ZNF761: variants seen among roughly 807,000 people sequenced by gnomAD.
ZNF761 encodes zinc finger protein 761.
ZNF761 carries 43 observed loss-of-function variants against 59.9 expected under a neutral mutation model. The observed-to-expected ratio is 0.72, with a 90% CI of 0.56 to 0.92. The LOEUF (loss-of-function observed/expected upper bound fraction) is 0.92. Among genes scored for constraint, ZNF761 ranks in the 40% least tolerant of loss-of-function variants. The pLI is 0.00. For missense variants in ZNF761, 850 were observed against 906.1 expected (o/e 0.94, Z 0.79); for synonymous variants, 294 against 304.8 (o/e 0.96, Z 0.37).
At chr19:53,444,385 T>C (rs1348377059) in intron 1 of ZNF761, 1 of 152,192 alleles carries the variant, frequency 6.6e-6, no homozygotes, top group Non-Finnish European at 1.5e-5. Context: ...GCGGCAATAC[T>C]GCTCTTTACT....
chr19:53,444,836 C>G (rs1208759692), intron 1 of ZNF761, among the ~76,000 whole-genome samples: 1 of 152,006 alleles, frequency 6.6e-6, no homozygotes, highest in Non-Finnish European at 1.5e-5. Context: ...CTGGGTGTTC[C>G]AAAGACCACA....
chr19:53,440,163 T>G (rs1398849342), intron 1 of ZNF761, among the ~76,000 whole-genome samples: 1 of 11,188 alleles, frequency 8.9e-5, no homozygotes, highest in Non-Finnish European at 2.9e-4. Context: ...TGGCCAAAAA[T>G]AAATAAATAA....
In ZNF761 at chr19:53,456,623, A is replaced by T; in HGVS notation, c.2116A>T (p.Ile706Leu). The change falls in exon 5 of 5, where the codon ATA becomes TTA. Residue 706 changes from isoleucine to leucine, a missense_variant. Coordinates refer to ENST00000684525, the MANE Select transcript of ZNF761 (RefSeq NM_001289951.2). ...GKNFSQKSSL[I>L]CHHRLHTGEK... ...GAACTTTAGTCAGAAGTCATCCCTT[A>T]TATGCCACCATAGACTTCATACTGG... 6.2e-7 allele frequency: 1 copy of T among 1,612,122 alleles called. No individual in the cohort carries two copies.
Position 53,455,733 on chromosome 19 carries a change from C to A in ZNF761, c.1226C>A (p.Pro409His), listed in dbSNP as rs559343499. 2 of 1,613,864 alleles carry A rather than the reference C, an allele frequency of 1.2e-6. No homozygotes were observed. Among genetic ancestry groups the A allele is most frequent in the African/African-American group, 2.7e-5 (2 of 74,858 alleles). Residue 409 changes from proline (P) to histidine (H), a missense_variant, in exon 5 of 5, where the codon CCT becomes CAT. Coordinates refer to ENST00000684525, the MANE Select transcript of ZNF761 (RefSeq NM_001289951.2). ...CGTAGACTTCATACTGGAGAGAAAC[C>A]TTACAAATGTGAAGAATGTGACAAA... ...CHRRLHTGEK[P>H]YKCEECDKAY... is the part of the protein sequence containing the mutation.
At position 53,454,674 on chromosome 19, in the gene ZNF761, AGG is replaced by A; in HGVS notation, c.168_169del (p.Glu57ValfsTer21). The A allele has an allele frequency of 6.2e-7, 1 of 1,602,358 alleles. No homozygotes were observed. Among genetic ancestry groups the A allele is most frequent in the Non-Finnish European group, 8.5e-7 (1 of 1,173,500 alleles). ...GATATCTCTTCCAAATGCACGATGA[AGG>A]AGTTCTTGTCAACAGCGCAAGGCAA... is the stretch of plus-strand genomic sequence containing the variant. On this transcript the variant is annotated frameshift_variant, in exon 5 of 5. Transcript: ENST00000684525. LOFTEE classifies it high-confidence loss of function.
intron 1 of ZNF761, among the ~76,000 whole-genome samples, chr19:53,440,871 T>G (rs115926504): frequency 6.6e-6 from 1 of 152,110 alleles, no homozygotes; most frequent in Non-Finnish European, 1.5e-5. Flanking sequence ...GAAACGCGTT[T>G]CACTACGTTT....
intron 1 of ZNF761, among the ~76,000 whole-genome samples, chr19:53,433,463 AGT>A (rs1568796843): frequency 7.2e-6 from 1 of 139,208 alleles, no homozygotes; most frequent in African/African-American, 2.9e-5. Context: ...GACTTCGCCA[AGT>A]CGAGCTTGCT....
At chr19:53,453,467 T>C (rs1199298705) in intron 4 of ZNF761, among the ~76,000 whole-genome samples, 1 of 152,222 alleles carries the variant, frequency 6.6e-6, no homozygotes, top group Non-Finnish European at 1.5e-5. Context: ...AATGTACTTA[T>C]TCTTTGCTTC....
chr19:53,445,386 T>G (rs1314177372), intron 1 of ZNF761: 13 of 152,112 alleles, frequency 8.5e-5, no homozygotes, highest in Admixed American at 8.5e-4. Context: ...ATAGGGGTGA[T>G]AAAGACCAAG....
At position 53,434,957 on chromosome 19, in the gene ZNF761, C is replaced by T. The variant is rs561362398; in HGVS notation, c.-185+2929C>T. Reference sequence around the variant, plus strand: ...TAAAGACTCGGAATTGTTGCTGGTCCGGGTTCCTTTTTGATAACATATAGG... The same window carrying T: ...TAAAGACTCGGAATTGTTGCTGGTCTGGGTTCCTTTTTGATAACATATAGG... On this transcript the variant is annotated intron_variant, in intron 1 of 4. Transcript: ENST00000684525. Among the ~76,000 whole-genome samples the T allele has an allele frequency of 4.4e-4, 67 of 152,162 alleles. No homozygotes were observed. The Middle Eastern group carries it at 0.01, about 23-fold the overall frequency.
At chr19:53,442,289 A>G in intron 1 of ZNF761, 1 of 1,328,306 alleles carries the variant, frequency 7.5e-7, no homozygotes, top group Non-Finnish European at 1.1e-6. Context: ...TGGGATGCAC[A>G]GAGGAACGAG....
chr19:53,453,981 T>TTC (rs960261772), intron 4 of ZNF761, among the ~76,000 whole-genome samples: 12 of 151,992 alleles, frequency 7.9e-5, no homozygotes, highest in African/African-American at 2.7e-4. Context: ...GTATTAACTT[T>TTC]TTTTTTTTTT....
At chr19:53,435,492 C>T (rs73043387) in intron 1 of ZNF761, among the ~76,000 whole-genome samples, 9,329 of 151,472 alleles carry the variant, frequency 0.062, 414 homozygotes, top group East Asian at 0.2. Flanking sequence ...TTATTCAATA[C>T]GGGGTTCTCC....
chr19:53,439,357 G>A lies in ZNF761; in HGVS notation c.-184-6870G>A, dbSNP rs934039455. On this transcript the variant is annotated intron_variant, in intron 1 of 4. Transcript: ENST00000684525. ...GTCTTGCTCTGTCACCCAGGCGGGA[G>A]TGCACTGGCGTGGTCTCGGCTCACT... 1.1e-4 allele frequency among the ~76,000 whole-genome samples: 17 copies of A among 151,986 alleles called. 1 individual carries two copies. Among genetic ancestry groups the A allele is most frequent in the Admixed American group, 7.2e-4 (11 of 15,276 alleles).
At chr19:53,445,642 C>T (rs1217845135) in intron 1 of ZNF761, among the ~76,000 whole-genome samples, 2 of 151,818 alleles carry the variant, frequency 1.3e-5, no homozygotes, top group African/African-American at 2.4e-5. Context: ...GAGTGCCCAG[C>T]TGTAATTAGA....
intron 1 of ZNF761, among the ~76,000 whole-genome samples, chr19:53,434,504 G>A (rs1289918112): frequency 6.6e-6 from 1 of 152,152 alleles, no homozygotes; most frequent in East Asian, 1.9e-4. Flanking sequence ...GTGTGGTTTA[G>A]AGAAGAGAAA....
chr19:53,444,362 G>T (rs973063294), intron 1 of ZNF761: 1 of 152,232 alleles, frequency 6.6e-6, no homozygotes, highest in South Asian at 2.1e-4. Context: ...ATGGCTGGAG[G>T]TGAGACATGC....
Position 53,433,092 on chromosome 19 carries a change from G to A in ZNF761, c.-185+1064G>A, listed in dbSNP as rs146723329. On this transcript the variant is annotated intron_variant, in intron 1 of 4. Coordinates refer to ENST00000684525, the MANE Select transcript of ZNF761 (RefSeq NM_001289951.2). ...GAATTTAACGGGGAGAGCAAAGGAG[G>A]CGCAGAGATGGTGTTGCGGGAAACT... 3.8e-3 allele frequency among the ~76,000 whole-genome samples: 573 copies of A among 151,390 alleles called. 5 individuals are homozygous for A. Among genetic ancestry groups the A allele is most frequent in the South Asian group, 0.015 (74 of 4,798 alleles).
At chr19:53,453,915 C>T (rs1341363771) in intron 4 of ZNF761, among the ~76,000 whole-genome samples, 6 of 151,868 alleles carry the variant, frequency 4.0e-5, no homozygotes, top group Admixed American at 2.6e-4. Flanking sequence ...AATGTCACAA[C>T]GTGCCTTTTC....
Sources: allele counts gnomAD v4.1 joint callset (sites outside exome capture counted in the v4.1 genomes callset), GRCh38; gene constraint gnomAD v4.1.1; transcripts MANE v1.5; gene names NCBI Gene and HGNC (gene_info 2026-07-23, HGNC 2026-07-21).